CRHR1: variants seen among roughly 807,000 people sequenced by gnomAD.
CRHR1 encodes corticotropin releasing hormone receptor 1.
In CRHR1, 28 loss-of-function variants were observed where a neutral mutation model predicts 56.0. That is an observed-to-expected ratio of 0.50 (90% confidence interval 0.37 to 0.69). CRHR1 has a LOEUF of 0.69. Ranked by LOEUF, CRHR1 falls within the 30% of genes least tolerant of loss-of-function variation. The pLI is 0.00. For synonymous variants in CRHR1, 195 were observed against 216.5 expected (o/e 0.90, Z 0.87); for missense variants, 376 against 548.0 (o/e 0.69, Z 3.13).
chr17:45,829,341 GCCT>G lies in CRHR1; in HGVS notation c.434+27_434+29del. ...GCTCAGGTGAGAAGACCCCAGCACT[GCCT>G]CCTCCTGTCCCCAGGACCTAGAGCA... is the stretch of plus-strand genomic sequence containing the variant. On this transcript the variant is annotated intron_variant, in intron 5 of 12. Coordinates refer to ENST00000314537, the MANE Select transcript of CRHR1 (RefSeq NM_004382.5). The G allele has an allele frequency of 1.9e-6, 3 of 1,593,264 alleles. No individual in the cohort carries two copies. Among genetic ancestry groups the G allele is most frequent in the South Asian group, 1.1e-5 (1 of 89,904 alleles).
chr17:45,816,731 T>C (rs1426175944), intron 3 of CRHR1, 149 bp downstream of exon 3: 3 of 1,275,840 alleles, frequency 2.4e-6, no homozygotes, highest in Non-Finnish European at 3.2e-6. Flanking sequence ...AGCGCTGTAT[T>C]CTCCTGGGTG....
At chr17:45,825,718 C>A (rs1304571650) in intron 4 of CRHR1, 1 of 153,310 alleles carries the variant, frequency 6.5e-6, no homozygotes, top group African/African-American at 2.4e-5. Flanking sequence ...CTGCGTGCTC[C>A]TCTGCGTGCT....
At chr17:45,824,591 C>T (rs910092107) in intron 4 of CRHR1, among the ~76,000 whole-genome samples, 3 of 152,204 alleles carry the variant, frequency 2.0e-5, no homozygotes, top group African/African-American at 2.4e-5. Context: ...GGGGTCTCTA[C>T]CTCTGTCCAC....
chr17:45,797,249 C>A (rs2061534428), intron 1 of CRHR1, among the ~76,000 whole-genome samples: 2 of 151,200 alleles, frequency 1.3e-5, no homozygotes, highest in Admixed American at 1.3e-4. Context: ...GCCTGCGCAC[C>A]TAGTCCCATG....
chr17:45,793,871 G>C (rs541630179), intron 1 of CRHR1, among the ~76,000 whole-genome samples: 7 of 152,150 alleles, frequency 4.6e-5, no homozygotes, highest in Non-Finnish European at 7.4e-5. Flanking sequence ...TTACTGGACC[G>C]ACCACAATGC....
chr17:45,834,175 G>T, intron 12 of CRHR1, 127 bp downstream of exon 12: 3 of 1,191,700 alleles, frequency 2.5e-6, no homozygotes, highest in Non-Finnish European at 3.7e-6. Context: ...GGTCCCTAGG[G>T]GTATGCTGCT....
chr17:45,790,955 G>A (rs1015453767), intron 1 of CRHR1, among the ~76,000 whole-genome samples: 1 of 152,202 alleles, frequency 6.6e-6, no homozygotes, highest in Non-Finnish European at 1.5e-5. Flanking sequence ...TCCCTGGTCA[G>A]TACCAAAGCC....
At chr17:45,788,304 T>C (rs1321906480) in intron 1 of CRHR1, among the ~76,000 whole-genome samples, 4 of 152,200 alleles carry the variant, frequency 2.6e-5, no homozygotes, top group African/African-American at 9.6e-5. Context: ...TCACCTTCCC[T>C]CTCTGAGCCA....
rs535850718 is a variant in CRHR1 at position 45,812,810 on chromosome 17, C to G, written c.122-3653C>G. On this transcript the variant is annotated intron_variant, in intron 2 of 12. Transcript: ENST00000314537. ...TCCTGGCCCACTTGGCCTCCCACCT[C>G]CCTCCCTCTCCGCCTGTTTTCTCCT... 2.0e-5 allele frequency among the ~76,000 whole-genome samples: 3 copies of G among 152,310 alleles called. No individual in the cohort carries two copies. The East Asian group carries it at 5.8e-4, about 29-fold the overall frequency.
At chr17:45,798,197 C>A (rs1160050539) in intron 1 of CRHR1, among the ~76,000 whole-genome samples, 1 of 152,164 alleles carries the variant, frequency 6.6e-6, no homozygotes, top group Non-Finnish European at 1.5e-5. Flanking sequence ...ATGTTGGGGC[C>A]TGCTCTGTAT....
Position 45,795,913 on chromosome 17 carries a change from G to A in CRHR1, c.34-11097G>A, listed in dbSNP as rs187863342. Among the ~76,000 whole-genome samples the A allele has an allele frequency of 2.6e-4, 39 of 152,306 alleles. 2 individuals are homozygous for A. Among genetic ancestry groups the A allele is most frequent in the Admixed American group, 2.3e-3 (35 of 15,304 alleles). On this transcript the variant is annotated intron_variant, in intron 1 of 12. Transcript: ENST00000314537. ...TTCGGTGGGGTTTGGCGGTCCAGCA[G>A]CCCTCTTTAAACTGACCTTTGGCCT...
At position 45,821,414 on chromosome 17, in the gene CRHR1, G is replaced by A. The variant is rs760885407; in HGVS notation, c.301G>A (p.Glu101Lys). Residue 101 changes from glutamate (E) to lysine (K), a missense_variant, in exon 4 of 13, where the codon GAG (glutamate) becomes AAG (lysine). By Grantham distance (56) the Glu-to-Lys change is moderately conservative. Coordinates refer to ENST00000314537, the MANE Select transcript of CRHR1 (RefSeq NM_004382.5). The part of the protein sequence containing the change: ...GSWAARVNYS[E>K]CQEILNEEKK... ...CTGGGCCGCCCGCGTGAATTACTCC[G>A]AGTGCCAGGAGATCCTCAATGAGGA... 72 of 1,612,992 alleles carry A rather than the reference G, an allele frequency of 4.5e-5. No homozygotes were observed. Among genetic ancestry groups the A allele is most frequent in the Admixed American group, 8.3e-5 (5 of 60,014 alleles).
intron 9 of CRHR1, 62 bp from the exon 10 acceptor site, chr17:45,833,390 C>G: frequency 6.4e-7 from 1 of 1,559,362 alleles, no homozygotes; most frequent in Non-Finnish European, 8.8e-7. Context: ...GAGGCCAGAG[C>G]TGAGAAGCCT....
intron 2 of CRHR1, among the ~76,000 whole-genome samples, chr17:45,809,494 A>T (rs2061779529): frequency 6.6e-6 from 1 of 152,264 alleles, no homozygotes; most frequent in Non-Finnish European, 1.5e-5. Context: ...CCAGCAGGCC[A>T]TGATGAATAG....
chr17:45,833,912 G>T, intron 11 of CRHR1, 63 bp downstream of exon 11: 3 of 1,612,532 alleles, frequency 1.9e-6, no homozygotes, highest in Non-Finnish European at 2.5e-6. Flanking sequence ...GCAGAGGCCT[G>T]GAGGGCAGGA....
intron 3 of CRHR1, among the ~76,000 whole-genome samples, chr17:45,818,567 C>T (rs564149148): frequency 2.0e-5 from 3 of 152,284 alleles, no homozygotes; most frequent in African/African-American, 4.8e-5. Context: ...TAGGCTCCCC[C>T]GCACTTCCCT....
At chr17:45,814,951 T>C (rs921810012) in intron 2 of CRHR1, among the ~76,000 whole-genome samples, 19 of 152,256 alleles carry the variant, frequency 1.2e-4, no homozygotes, top group African/African-American at 4.1e-4. Flanking sequence ...TGAATAGCTT[T>C]GATTAGAAAG....
At chr17:45,825,037 C>T (rs1420461432) in intron 4 of CRHR1, among the ~76,000 whole-genome samples, 4 of 152,188 alleles carry the variant, frequency 2.6e-5, no homozygotes, top group African/African-American at 4.8e-5. Flanking sequence ...ATGCCATTCC[C>T]TTCTGCCAGC....
At chr17:45,794,862 G>A (rs55943044) in intron 1 of CRHR1, among the ~76,000 whole-genome samples, 21,718 of 152,272 alleles carry the variant, frequency 0.14, 2,115 homozygotes, top group Middle Eastern at 0.22. Flanking sequence ...CCCAGGACCC[G>A]GCTCTGCCTC....
Sources: allele counts gnomAD v4.1 joint callset (sites outside exome capture counted in the v4.1 genomes callset), GRCh38; gene constraint gnomAD v4.1.1; transcripts MANE v1.5; gene names NCBI Gene and HGNC (gene_info 2026-07-23, HGNC 2026-07-21).